Variants in EIF4B observed in about 807,000 individuals in gnomAD.
EIF4B encodes eukaryotic translation initiation factor 4B.
A neutral mutation model predicts 79.3 loss-of-function variants in EIF4B; 8 were observed. That is an observed-to-expected ratio of 0.10 (90% CI 0.06 to 0.18). The LOEUF is 0.18. Ranked by LOEUF, EIF4B falls within the 10% of genes least tolerant of loss-of-function variation. The pLI is 1.00. For missense variants in EIF4B, 515 were observed against 792.4 expected (o/e 0.65, Z 4.20); for synonymous variants, 238 against 274.7 (o/e 0.87, Z 1.32).
Position 53,033,881 on chromosome 12 carries a change from C to G in EIF4B, c.1055C>G (p.Ser352Cys), listed in dbSNP as rs568297130. Residue 352 changes from serine to cysteine, a missense_variant, in exon 9 of 15, where the codon TCC becomes TGC. Physicochemically the swap from Ser to Cys is moderately radical, Grantham distance 112 (BLOSUM62 -1). Coordinates refer to ENST00000262056, the MANE Select transcript of EIF4B (RefSeq NM_001417.7). ...PKEDDSSAST[S>C]QSTRAASIFG... ...GAAGATGATTCCTCTGCTAGTACCTCCCAGTCCACTCGAGCTGCTTCTATC... is the reference window on the plus strand; with the variant it reads ...GAAGATGATTCCTCTGCTAGTACCTGCCAGTCCACTCGAGCTGCTTCTATC... 2 of 1,614,084 alleles carry G rather than the reference C, an allele frequency of 1.2e-6. No homozygotes were observed. The highest frequency in any genetic ancestry group is 2.2e-5 in the South Asian group (2 of 91,084).
intron 8 of EIF4B, among the ~76,000 whole-genome samples, chr12:53,033,006 TA>T (rs1434933945): frequency 1.3e-5 from 2 of 151,356 alleles, no homozygotes; most frequent in Non-Finnish European, 2.9e-5. Context: ...TTTTTATTTT[TA>T]TTTATTTTTA....
chr12:53,030,439 G>GTTTTTTTTTTTTT (rs1943419532), intron 8 of EIF4B, among the ~76,000 whole-genome samples: 1 of 6,742 alleles, frequency 1.5e-4, no homozygotes, highest in Admixed American at 2.4e-3. Flanking sequence ...TTTTTTTTTT[G>GTTTTTTTTTTTTT]AGACGGAGTC....
chr12:53,006,738 C>T (rs1017724997), intron 1 of EIF4B, among the ~76,000 whole-genome samples: 2 of 151,734 alleles, frequency 1.3e-5, no homozygotes, highest in African/African-American at 4.8e-5. Context: ...TTGGAATAGG[C>T]AGTAATGGTA....
rs1260039606 is a variant in EIF4B, at chr12:53,019,441, T to A, written c.360+435T>A. On this transcript the variant is annotated intron_variant, in intron 3 of 14. Coordinates refer to ENST00000262056, the MANE Select transcript of EIF4B (RefSeq NM_001417.7). Reference sequence around the variant, plus strand: ...ATCAAAATTATATATATATATATTTTTTTTTTTTCTTTTTTTTTTTTTTTT... The same window carrying A: ...ATCAAAATTATATATATATATATTTATTTTTTTTCTTTTTTTTTTTTTTTT... 6.0e-3 allele frequency among the ~76,000 whole-genome samples: 653 copies of A among 108,122 alleles called. 11 individuals carry two copies. The highest frequency in any genetic ancestry group is 0.046 in the East Asian group (143 of 3,106). The allele number at this position is 108,122 out of a possible 152,430, so 70.9% of individuals were successfully genotyped here. A position where few individuals can be genotyped will look rare whatever the true frequency, so the allele number is the denominator to read the frequency against.
chr12:53,037,099 A>G (rs939864401), intron 10 of EIF4B, among the ~76,000 whole-genome samples: 5 of 152,206 alleles, frequency 3.3e-5, no homozygotes, highest in African/African-American at 1.2e-4. Flanking sequence ...TCCTCTTCAC[A>G]TATGTATATT....
chr12:53,012,597 CTTT>C (rs544968494), intron 1 of EIF4B, among the ~76,000 whole-genome samples: 1 of 141,666 alleles, frequency 7.1e-6, no homozygotes, highest in Non-Finnish European at 1.5e-5. Context: ...TTTTTTTTTC[CTTT>C]TTTTTTTTTT....
At chr12:53,022,441 G>A (rs1199117052) in intron 5 of EIF4B, 52 bp from the exon 6 acceptor site, 2 of 1,602,574 alleles carry the variant, frequency 1.2e-6, no homozygotes, top group East Asian at 4.5e-5. Flanking sequence ...GAGAAATATT[G>A]GGCAAAGTTT....
intron 12 of EIF4B, 55 bp from the exon 13 acceptor site, chr12:53,039,183 A>G: frequency 7.9e-7 from 1 of 1,261,278 alleles, no homozygotes; most frequent in Non-Finnish European, 1.1e-6. Flanking sequence ...ATCTTAGGAG[A>G]GGGACATTGA....
In EIF4B at chr12:53,041,838, TAAG is replaced by T. The variant is rs35824761; in HGVS notation, c.*1619_*1621del. 82,653 of 151,780 alleles carry T rather than the reference TAAG, an allele frequency of 0.54. 28,112 individuals carry two copies. Among genetic ancestry groups the T allele is most frequent in the Non-Finnish European group, 0.77 (52,460 of 67,842 alleles). The allele number at this position is 151,780 out of a possible 1,614,324, so 9.4% of individuals were successfully genotyped here. A position where few individuals can be genotyped will look rare whatever the true frequency, so the allele number is the denominator to read the frequency against. ...TAATTGGTGTGGATTGGCCAGTAGC[TAAG>T]AAGTGGGCTTTTAAAGAGTATTGAA... On this transcript the variant is annotated 3_prime_UTR_variant, in exon 15 of 15. Transcript: ENST00000262056.
At chr12:53,008,349 A>G (rs1349024729) in intron 1 of EIF4B, among the ~76,000 whole-genome samples, 1 of 152,126 alleles carries the variant, frequency 6.6e-6, no homozygotes, top group Non-Finnish European at 1.5e-5. Context: ...ATCTCCTTTA[A>G]TTCACTTCAG....
rs1403291870 is a variant in EIF4B at position 53,027,937 on chromosome 12, C to T, written c.805+18C>T. On this transcript the variant is annotated intron_variant, in intron 7 of 14. Coordinates refer to ENST00000262056, the MANE Select transcript of EIF4B (RefSeq NM_001417.7). ...TGATAGAGGTAATTGTAAAACATGT[C>T]GAATTGCTCTTTCAGTAACTTTGCC... The T allele has an allele frequency of 3.1e-6, 5 of 1,607,726 alleles. No homozygotes were observed. The highest frequency in any genetic ancestry group is 2.2e-5 in the East Asian group (1 of 44,602).
At chr12:53,019,843 T>G (rs938561155) in intron 3 of EIF4B, 67 bp from the exon 4 acceptor site, 81 of 1,477,696 alleles carry the variant, frequency 5.5e-5, no homozygotes, top group Admixed American at 2.2e-4. Context: ...GCTTTTGTAG[T>G]CCTCTCAAAA....
intron 6 of EIF4B, among the ~76,000 whole-genome samples, chr12:53,026,225 TA>T (rs1943331760): frequency 6.6e-6 from 1 of 152,220 alleles, no homozygotes; most frequent in South Asian, 2.1e-4. Flanking sequence ...TTTTTAACTT[TA>T]AAATCTGGGT....
At chr12:53,023,087 A>G (rs987985901) in intron 6 of EIF4B, among the ~76,000 whole-genome samples, 3 of 152,170 alleles carry the variant, frequency 2.0e-5, no homozygotes, top group Non-Finnish European at 2.9e-5. Flanking sequence ...CCTTGAGCCC[A>G]GGAGGTCTAG....
intron 6 of EIF4B, among the ~76,000 whole-genome samples, chr12:53,027,136 A>ATT (rs777111413): frequency 0.015 from 445 of 29,504 alleles, 21 homozygotes; most frequent in African/African-American, 0.024. Flanking sequence ...AAAAAAAAAA[A>ATT]ATTTTTTTTT....
At chr12:53,016,266 CAT>C (rs5798231) in intron 1 of EIF4B, among the ~76,000 whole-genome samples, 28,822 of 152,038 alleles carry the variant, frequency 0.19, 4,093 homozygotes, top group East Asian at 0.53. Context: ...CGTACGTAAA[CAT>C]GTGTTTACAC....
At chr12:53,035,467 C>T (rs552093132) in intron 10 of EIF4B, among the ~76,000 whole-genome samples, 178 of 151,728 alleles carry the variant, frequency 1.2e-3, no homozygotes, top group African/African-American at 4.2e-3. Context: ...CTCCCGGGTT[C>T]ATGCCATTCT....
chr12:53,023,892 A>G (rs901405860), intron 6 of EIF4B, among the ~76,000 whole-genome samples: 1 of 152,156 alleles, frequency 6.6e-6, no homozygotes, highest in African/African-American at 2.4e-5. Context: ...CTAAAATGTA[A>G]CTTTCTAAAA....
chr12:53,028,179 G>C lies in EIF4B; in HGVS notation c.970G>C (p.Asp324His), dbSNP rs1242612831. Reference protein sequence around the residue: ...DDYSRDDYRRDDRGPPQRPKL... With the variant: ...DDYSRDDYRRHDRGPPQRPKL... Reference sequence around the variant, plus strand: ...TTACTCTCGGGATGATTATAGGCGTGATGATAGAGGTAATAGTTTTCTTTT... The same window carrying C: ...TTACTCTCGGGATGATTATAGGCGTCATGATAGAGGTAATAGTTTTCTTTT... Residue 324 changes from aspartate (D) to histidine (H), a missense_variant, in exon 8 of 15, where the codon GAT (aspartate) becomes CAT (histidine). By Grantham distance (81) the Asp-to-His change is moderately conservative (BLOSUM62 -1). Coordinates refer to ENST00000262056, the MANE Select transcript of EIF4B (RefSeq NM_001417.7). 4 of 1,586,784 alleles carry C rather than the reference G, an allele frequency of 2.5e-6. No homozygotes were observed. The highest frequency in any genetic ancestry group is 2.2e-5 in the East Asian group (1 of 44,716).
Sources: gnomAD v4.1 joint callset for allele counts (sites outside exome capture counted in the v4.1 genomes callset) on GRCh38, gnomAD v4.1.1 for gene constraint, MANE v1.5 for transcripts, NCBI Gene and HGNC (gene_info 2026-07-23, HGNC 2026-07-21) for gene names.